The following UNG variants were observed in gnomAD, a reference collection of about 807,000 sequenced individuals.
UNG encodes uracil DNA glycosylase.
In UNG, 34 loss-of-function variants were observed where a neutral mutation model predicts 36.5. That is an observed-to-expected ratio of 0.93 (90% CI 0.71 to 1.24). The LOEUF (loss-of-function observed/expected upper bound fraction) is 1.24, where lower values mean the gene tolerates loss of function less well. Among genes scored for constraint, UNG ranks in the 50% most tolerant of loss-of-function variants. The probability of loss-of-function intolerance (pLI) is 0.00; values close to 1 mark genes in which losing one functional copy is unlikely to be tolerated. For synonymous variants in UNG, 172 were observed against 157.8 expected (o/e 1.09, Z -0.67); for missense variants, 391 against 397.6 (o/e 0.98, Z 0.14).
At chr12:109,098,679 G>C (rs1293091654) in intron 2 of UNG, 41 bp downstream of exon 2, 2 of 1,612,350 alleles carry the variant, frequency 1.2e-6, no homozygotes, top group Non-Finnish European at 1.7e-6. Flanking sequence ...TAAATGTGGA[G>C]GCTGCCGGCC....
chr12:109,102,846 A>G lies in UNG; in HGVS notation c.541A>G (p.Asn181Asp), dbSNP rs2135886688. ...CTTGTGGCTTGCTTTCAGTTTGGAG[A>G]ACATTTATAAAGAGTTGTCTACAGA... ...RPVPPPPSLE[N>D]IYKELSTDIE... Residue 181 changes from asparagine to aspartate, a missense_variant, in exon 5 of 7, where the codon AAC becomes GAC. Physicochemically the swap from Asn to Asp is conservative, Grantham distance 23. Transcript: ENST00000242576. 3 of 1,613,102 alleles carry G rather than the reference A, an allele frequency of 1.9e-6. No individual in the cohort carries two copies. Among genetic ancestry groups the G allele is most frequent in the Non-Finnish European group, 2.5e-6 (3 of 1,179,432 alleles).
chr12:109,110,110 T>C lies in UNG; in HGVS notation c.*141T>C, dbSNP rs2042250165. 1.8e-6 allele frequency: 2 copies of C among 1,133,280 alleles called. No individual in the cohort carries two copies. The highest frequency in any genetic ancestry group is 2.1e-5 in the Admixed American group (1 of 48,032). The allele number at this position is 1,133,280 out of a possible 1,614,324, so 70.2% of individuals were successfully genotyped here. A position where few individuals can be genotyped will look rare whatever the true frequency, so the allele number is the denominator to read the frequency against. The stretch of plus-strand genomic sequence containing the variant: ...TCCAGAAAGCAGCCATGAACCAGGC[T>C]GTCCAGGAATGGCAGCTGTATCCAA... On this transcript the variant is annotated 3_prime_UTR_variant, in exon 7 of 7. Coordinates refer to ENST00000242576, the MANE Select transcript of UNG (RefSeq NM_080911.3).
intron 6 of UNG, among the ~76,000 whole-genome samples, chr12:109,109,158 C>T (rs1331763050): frequency 6.6e-6 from 1 of 152,020 alleles, no homozygotes; most frequent in African/African-American, 2.4e-5. Flanking sequence ...AGATGTTAAC[C>T]CCATCCATTG....
In UNG at chr12:109,109,927, G is replaced by A. The variant is rs1170527582; in HGVS notation, c.900G>A (p.Leu300=). Residue 300 remains leucine (L), a synonymous_variant, in exon 7 of 7, where the codon CTG becomes CTA. Transcript: ENST00000242576. ...ACTTTTCAAAGACCAATGAGCTGCT[G>A]CAGAAGTCTGGCAAGAAGCCCATTG... ...CRHFSKTNEL[L]QKSGKKPIDW... 3 of 1,614,198 alleles carry A rather than the reference G, an allele frequency of 1.9e-6. No homozygotes were observed. The highest frequency in any genetic ancestry group is 2.5e-6 in the Non-Finnish European group (3 of 1,180,048).
chr12:109,098,002 G>C (rs951613483), intron 1 of UNG, 191 bp downstream of exon 1: 2 of 1,271,854 alleles, frequency 1.6e-6, no homozygotes, highest in East Asian at 5.4e-5. Flanking sequence ...CCAGCCAATG[G>C]GAACGCGTCT....
At chr12:109,106,156 AT>A (rs1408040441) in intron 6 of UNG, among the ~76,000 whole-genome samples, 1 of 152,154 alleles carries the variant, frequency 6.6e-6, no homozygotes, top group East Asian at 1.9e-4. Context: ...ATGACTTCTT[AT>A]CACACTCAGC....
chr12:109,107,952 T>C (rs1001910231), intron 6 of UNG, among the ~76,000 whole-genome samples: 8 of 152,200 alleles, frequency 5.3e-5, no homozygotes, highest in Admixed American at 1.3e-4. Flanking sequence ...TGGCTTCCAC[T>C]CTTTCTCTTA....
At chr12:109,108,146 A>G (rs2430678) in intron 6 of UNG, among the ~76,000 whole-genome samples, 5,962 of 152,320 alleles carry the variant, frequency 0.039, 135 homozygotes, top group South Asian at 0.079. Flanking sequence ...ACATTTAGCC[A>G]GTTCTGTAAC....
intron 4 of UNG, among the ~76,000 whole-genome samples, chr12:109,102,388 G>T (rs1404776229): frequency 6.6e-6 from 1 of 151,970 alleles, no homozygotes; most frequent in Non-Finnish European, 1.5e-5. Context: ...TGAGGCAGGA[G>T]AATCGCTGGA....
At chr12:109,109,295 A>G (rs2042241825) in intron 6 of UNG, among the ~76,000 whole-genome samples, 1 of 152,126 alleles carries the variant, frequency 6.6e-6, no homozygotes, top group East Asian at 1.9e-4. Context: ...GATAATTGCC[A>G]ACTTGAAGGC....
Position 109,110,279 on chromosome 12 carries a change from G to A in UNG, c.*310G>A. 2.6e-6 allele frequency: 1 copy of A among 390,914 alleles called. No homozygotes were observed. 24.2% of individuals were successfully genotyped at this position (390,914 alleles called of 1,614,324 possible). On this transcript the variant is annotated 3_prime_UTR_variant, in exon 7 of 7. Transcript: ENST00000242576. ...GCCTTTATGGTGAAACAGGGGAGAT[G>A]TGCACCTTTCAGGCACAGCCCTAGT...
intron 6 of UNG, among the ~76,000 whole-genome samples, chr12:109,108,232 C>T (rs1053727864): frequency 6.6e-6 from 1 of 152,150 alleles, no homozygotes; most frequent in Non-Finnish European, 1.5e-5. Flanking sequence ...TGTGTAGGTA[C>T]AACTGGTCCC....
chr12:109,103,656 A>G (rs1440772784), intron 6 of UNG, 45 bp downstream of exon 6: 7 of 1,534,494 alleles, frequency 4.6e-6, no homozygotes, highest in Admixed American at 3.9e-5. Context: ...TTTTAACACT[A>G]TAAAAACAAT....
chr12:109,104,238 A>G (rs3219240), intron 6 of UNG, among the ~76,000 whole-genome samples: 1,792 of 151,214 alleles, frequency 0.012, 35 homozygotes, highest in African/African-American at 0.04. Flanking sequence ...TAGTAGAGAC[A>G]GGGTTTCACC....
chr12:109,098,027 C>A, intron 1 of UNG: 1 of 1,325,588 alleles, frequency 7.5e-7, no homozygotes, highest in Non-Finnish European at 9.8e-7. Context: ...GCCCATGGCG[C>A]CAATCCGCGC....
chr12:109,098,231 G>A, intron 1 of UNG: 1 of 1,481,988 alleles, frequency 6.7e-7, no homozygotes, highest in Non-Finnish European at 8.9e-7. Flanking sequence ...CTCCCAGCCC[G>A]TCTCCCCGCT....
Position 109,109,951 on chromosome 12 carries a change from T to A in UNG, c.924T>A (p.Ile308=), listed in dbSNP as rs765063470. The A allele has an allele frequency of 3.7e-6, 6 of 1,614,112 alleles. No homozygotes were observed. Among genetic ancestry groups the A allele is most frequent in the Non-Finnish European group, 4.2e-6 (5 of 1,180,018 alleles). ...TGCAGAAGTCTGGCAAGAAGCCCAT[T>A]GACTGGAAGGAGCTGTGATCATCAG... ...ELLQKSGKKP[I]DWKEL The change falls in exon 7 of 7, where the codon ATT becomes ATA. Residue 308 remains isoleucine, a synonymous_variant. Transcript: ENST00000242576.
chr12:109,098,341 C>T (rs2042148766), intron 1 of UNG, 91 bp from the exon 2 acceptor site: 8 of 1,603,650 alleles, frequency 5.0e-6, no homozygotes, highest in Middle Eastern at 1.7e-4. Context: ...GCGTCTTCTG[C>T]CTTGGGCCGT....
intron 3 of UNG, among the ~76,000 whole-genome samples, 172 bp from the exon 4 acceptor site, chr12:109,101,730 A>G (rs1024723633): frequency 6.6e-6 from 1 of 152,186 alleles, no homozygotes; most frequent in Non-Finnish European, 1.5e-5. Context: ...AAAAGCAGCT[A>G]GGTACATATC....
Sources: gnomAD v4.1 joint callset for allele counts (sites outside exome capture counted in the v4.1 genomes callset) on GRCh38, gnomAD v4.1.1 for gene constraint, MANE v1.5 for transcripts, NCBI Gene and HGNC (gene_info 2026-07-23, HGNC 2026-07-21) for gene names.